ACOXL: variants seen among roughly 807,000 people sequenced by gnomAD.
ACOXL encodes acyl-CoA oxidase like.
ACOXL carries 70 observed loss-of-function variants against 71.9 expected under a neutral mutation model. That is an observed-to-expected ratio of 0.97 (90% CI 0.80 to 1.19). The LOEUF (loss-of-function observed/expected upper bound fraction) is 1.19. Among genes scored for constraint, ACOXL ranks in the 50% most tolerant of loss-of-function variants. The probability of loss-of-function intolerance (pLI) is 0.00; values close to 1 mark genes in which losing one functional copy is unlikely to be tolerated. For missense variants in ACOXL, 703 were observed against 736.3 expected (o/e 0.95, Z 0.52); for synonymous variants, 253 against 281.6 (o/e 0.90, Z 1.02).
In ACOXL at chr2:111,117,621, G is replaced by A. The variant is rs1490544222; in HGVS notation, c.1548G>A (p.Leu516=). The A allele has an allele frequency of 1.3e-6, 2 of 1,551,736 alleles. No homozygotes were observed. The highest frequency in any genetic ancestry group is 2.0e-5 in the Admixed American group (1 of 51,014). The change falls in exon 18 of 18, where the codon CTG becomes CTA. Residue 516 remains leucine, a synonymous_variant. Coordinates refer to ENST00000439055, the MANE Select transcript of ACOXL (RefSeq NM_001142807.4). ...MASTRIRNQL[L]DLCDSVKDDA... is the part of the protein sequence containing the mutation. ...CATTGTGTTGTGTTTTGCAGTTGCTGGATTTGTGCGACTCGGTGAAGGATG... is the reference window on the plus strand; with the variant it reads ...CATTGTGTTGTGTTTTGCAGTTGCTAGATTTGTGCGACTCGGTGAAGGATG...
At chr2:111,041,264 T>C (rs1057110164) in intron 15 of ACOXL, among the ~76,000 whole-genome samples, 58 of 152,142 alleles carry the variant, frequency 3.8e-4, no homozygotes, top group Non-Finnish European at 1.2e-4. Flanking sequence ...CTGAGCACTA[T>C]ATTAAATGGG....
chr2:110,919,608 C>G (rs1219650885), intron 11 of ACOXL, among the ~76,000 whole-genome samples: 1 of 151,910 alleles, frequency 6.6e-6, no homozygotes, highest in African/African-American at 2.4e-5. Context: ...TAGGTTTTGA[C>G]AAAGACACAG....
intron 2 of ACOXL, among the ~76,000 whole-genome samples, chr2:110,778,753 A>G (rs1682963019): frequency 6.6e-6 from 1 of 152,262 alleles, no homozygotes; most frequent in South Asian, 2.1e-4. Context: ...GCTCAGTGGT[A>G]GTACTGCTTG....
At chr2:111,085,996 C>T (rs2068187467) in intron 16 of ACOXL, among the ~76,000 whole-genome samples, 1 of 152,068 alleles carries the variant, frequency 6.6e-6, no homozygotes, top group South Asian at 2.1e-4. Flanking sequence ...ACACACACAT[C>T]CTCCCAAGGC....
Position 111,117,911 on chromosome 2 carries a change from C to T in ACOXL, c.*95C>T. Reference sequence around the variant, plus strand: ...TGTGGCCGAGGCCGGGGGCTGGCACCCGCTGGGCCGCCACTCTCGGGGATT... The same window carrying T: ...TGTGGCCGAGGCCGGGGGCTGGCACTCGCTGGGCCGCCACTCTCGGGGATT... On this transcript the variant is annotated 3_prime_UTR_variant, in exon 18 of 18. Transcript: ENST00000439055. The T allele has an allele frequency of 7.3e-7, 1 of 1,361,490 alleles. No individual in the cohort carries two copies. The highest frequency in any genetic ancestry group is 9.8e-7 in the Non-Finnish European group (1 of 1,022,134). 84.3% of individuals were successfully genotyped at this position (1,361,490 alleles called of 1,614,324 possible).
chr2:111,117,494 A>C, intron 17 of ACOXL, 122 bp from the exon 18 acceptor site: 1 of 1,041,226 alleles, frequency 9.6e-7, no homozygotes. Flanking sequence ...AGGAGAATCC[A>C]AAGGGAAACT....
At chr2:110,897,779 A>G (rs767798846) in intron 10 of ACOXL, among the ~76,000 whole-genome samples, 21 of 152,326 alleles carry the variant, frequency 1.4e-4, no homozygotes, top group Non-Finnish European at 2.9e-4. Flanking sequence ...AAAACAGAAC[A>G]ATAGAGAATA....
At chr2:110,946,880 G>A (rs1392744482) in intron 12 of ACOXL, among the ~76,000 whole-genome samples, 1 of 152,156 alleles carries the variant, frequency 6.6e-6, no homozygotes, top group Non-Finnish European at 1.5e-5. Context: ...GCTGAGAGAA[G>A]TGAGGTGGGA....
chr2:110,850,539 T>C (rs1450471395), intron 10 of ACOXL, among the ~76,000 whole-genome samples: 1 of 152,140 alleles, frequency 6.6e-6, no homozygotes, highest in East Asian at 1.9e-4. Flanking sequence ...ATTAAGGAAA[T>C]GCAAATTAAG....
chr2:110,750,986 C>T (rs1304447219), intron 1 of ACOXL, among the ~76,000 whole-genome samples: 2 of 151,616 alleles, frequency 1.3e-5, no homozygotes, highest in Non-Finnish European at 2.9e-5. Flanking sequence ...TGCCTGGCCC[C>T]AACACTTTAT....
intron 14 of ACOXL, among the ~76,000 whole-genome samples, chr2:111,031,037 C>G (rs1238619152): frequency 6.6e-6 from 1 of 152,222 alleles, no homozygotes; most frequent in African/African-American, 2.4e-5. Flanking sequence ...GATTGAAAGA[C>G]TATCTTGCAC....
At chr2:111,036,186 C>T (rs1204501657) in intron 15 of ACOXL, among the ~76,000 whole-genome samples, 3 of 152,122 alleles carry the variant, frequency 2.0e-5, no homozygotes. Context: ...GAGGTGGAGG[C>T]CTGGAGGGGA....
chr2:110,961,411 T>A (rs1467040495), intron 12 of ACOXL, among the ~76,000 whole-genome samples: 1 of 152,252 alleles, frequency 6.6e-6, no homozygotes, highest in Non-Finnish European at 1.5e-5. Flanking sequence ...TTGCTGGTTC[T>A]GCCCTTTGAG....
At chr2:110,827,077 C>T (rs1559313198) in intron 9 of ACOXL, among the ~76,000 whole-genome samples, 1 of 152,180 alleles carries the variant, frequency 6.6e-6, no homozygotes, top group Admixed American at 6.5e-5. Flanking sequence ...ACTGCATAAC[C>T]ACATTAAAGA....
chr2:110,933,677 C>T (rs1285371262), intron 12 of ACOXL, 35 bp downstream of exon 12: 9 of 1,585,250 alleles, frequency 5.7e-6, no homozygotes, highest in Admixed American at 1.7e-5. Flanking sequence ...CGTGGGTCCC[C>T]ACGATACAAC....
At chr2:110,933,462 A>G (rs924151232) in intron 11 of ACOXL, 27 bp from the exon 12 acceptor site, 57 of 1,603,568 alleles carry the variant, frequency 3.6e-5, no homozygotes, top group Non-Finnish European at 4.6e-5. Context: ...CGCCACTTCC[A>G]TCACACATGT....
rs370526207 is a variant in ACOXL, at chr2:110,798,586, T to C, written c.346-24T>C. 96 of 1,587,238 alleles carry C rather than the reference T, an allele frequency of 6.0e-5. 1 individual carries two copies. In the African/African-American group the frequency reaches 1.0e-3, roughly 17 times the overall value. ...AAATGAGCCATGGGAAGGGAAACAC[T>C]GTTGCTCTGCTTTTTCTGTGTAGGA... On this transcript the variant is annotated intron_variant, in intron 5 of 17. Transcript: ENST00000439055.
chr2:110,908,773 T>C lies in ACOXL; in HGVS notation c.789-16T>C, dbSNP rs988807598. 3 of 1,605,020 alleles carry C rather than the reference T, an allele frequency of 1.9e-6. No individual in the cohort carries two copies. Among genetic ancestry groups the C allele is most frequent in the Admixed American group, 1.7e-5 (1 of 59,456 alleles). On this transcript the variant is annotated splice_polypyrimidine_tract_variant and intron_variant, in intron 10 of 17. Coordinates refer to ENST00000439055, the MANE Select transcript of ACOXL (RefSeq NM_001142807.4). ...CCTGGATTTTGGTAAAAATCGTGTC[T>C]GTTGATTCCCTCTAGCCGGAGGCAG... is the stretch of plus-strand genomic sequence containing the variant.
chr2:110,968,236 A>G (rs1393732882), intron 12 of ACOXL: 2 of 1,075,622 alleles, frequency 1.9e-6, no homozygotes, highest in Non-Finnish European at 2.8e-6. Flanking sequence ...TGTGGAAAAC[A>G]TTGATGGTCA....
Sources: allele counts gnomAD v4.1 joint callset (sites outside exome capture counted in the v4.1 genomes callset), GRCh38; gene constraint gnomAD v4.1.1; transcripts MANE v1.5; gene names NCBI Gene and HGNC (gene_info 2026-07-23, HGNC 2026-07-21).